IL1RAPL2: variants seen among roughly 807,000 people sequenced by gnomAD.
The protein encoded by IL1RAPL2 is interleukin 1 receptor accessory protein like 2, also known as X-linked interleukin-1 receptor accessory protein-like 2.
A neutral mutation model predicts 44.1 loss-of-function variants in IL1RAPL2; 3 were observed. The ratio of observed to expected loss-of-function variants is 0.07; its 90% CI spans 0.03 to 0.18. The LOEUF (loss-of-function observed/expected upper bound fraction) is 0.18, where lower values mean the gene tolerates loss of function less well. Among genes scored for constraint, IL1RAPL2 ranks in the 10% least tolerant of loss-of-function variants. The pLI, the probability that IL1RAPL2 is intolerant of heterozygous loss-of-function variation, is 1.00. For synonymous variants in IL1RAPL2, 181 were observed against 178.8 expected, an observed-to-expected ratio of 1.01 and a Z score of -0.10; for missense variants, 391 against 496.4, an observed-to-expected ratio of 0.79 and a Z score of 2.02.
chrX:104,888,829 T>A (rs762820676), intron 2 of IL1RAPL2, among the ~76,000 whole-genome samples: 1 of 111,975 alleles, frequency 8.9e-6, no homozygotes, highest in Non-Finnish European at 1.9e-5. Flanking sequence ...TCCCCATTTC[T>A]GATAGGACCA....
At chrX:105,144,293 T>C (rs2033158876) in intron 2 of IL1RAPL2, among the ~76,000 whole-genome samples, 1 of 111,191 alleles carries the variant, frequency 9.0e-6, no homozygotes. Context: ...CAGTACTTTA[T>C]TTCTTTGGAT....
intron 6 of IL1RAPL2, among the ~76,000 whole-genome samples, chrX:105,701,252 T>A (rs190427988): frequency 1.4e-4 from 16 of 110,508 alleles, no homozygotes; most frequent in African/African-American, 5.3e-4. Flanking sequence ...GATGTAAGAG[T>A]AGAGTTCAAA....
intron 6 of IL1RAPL2, among the ~76,000 whole-genome samples, chrX:105,615,828 A>G (rs1293086342): frequency 8.9e-6 from 1 of 112,312 alleles, no homozygotes; most frequent in African/African-American, 3.2e-5. Flanking sequence ...CTAAAAGAGT[A>G]TCGTTGGATT....
At chrX:104,769,844 A>T (rs1425662593) in intron 2 of IL1RAPL2, among the ~76,000 whole-genome samples, 1 of 111,409 alleles carries the variant, frequency 9.0e-6, no homozygotes, top group Non-Finnish European at 1.9e-5. Flanking sequence ...CTGTCACTAA[A>T]CCTAAGCATC....
chrX:104,590,204 C>T (rs900781596), intron 1 of IL1RAPL2, among the ~76,000 whole-genome samples: 2 of 110,913 alleles, frequency 1.8e-5, no homozygotes. Flanking sequence ...GCCACCATGC[C>T]CAGCTAATTT....
intron 5 of IL1RAPL2, chrX:105,405,907 T>C (rs1306532662): frequency 3.1e-5 from 36 of 1,167,912 alleles, no homozygotes; most frequent in Non-Finnish European, 4.0e-5. Flanking sequence ...ATTGATGATA[T>C]TGCTTTGATC....
rs781224924 is a variant in IL1RAPL2 at position 105,004,416 on chromosome X, G to A, written c.83-191059G>A. On this transcript the variant is annotated intron_variant, in intron 2 of 10. Coordinates refer to ENST00000372582, the MANE Select transcript of IL1RAPL2 (RefSeq NM_017416.2). ...TTTTTAAAACTTTTACGATGCATGA[G>A]GTAGACTTCTTTTTCAAAAAAAATT... Among the ~76,000 whole-genome samples the A allele has an allele frequency of 1.3e-4, 14 of 110,331 alleles. No homozygotes were observed. The East Asian group carries it at 3.8e-3, about 30-fold the overall frequency.
In IL1RAPL2 at chrX:105,667,419, C is replaced by A. The variant is rs763903108; in HGVS notation, c.773-49948C>A. 3.6e-5 allele frequency among the ~76,000 whole-genome samples: 4 copies of A among 112,277 alleles called. No homozygotes were observed. The East Asian group carries it at 1.1e-3, about 31-fold the overall frequency. ...ACTGATTCCCAATTGTGAACAGACT[C>A]ATTATATTGAAACAGAGTTATACAA... On this transcript the variant is annotated intron_variant, in intron 6 of 10. Coordinates refer to ENST00000372582, the MANE Select transcript of IL1RAPL2 (RefSeq NM_017416.2).
chrX:105,131,378 T>C (rs1040147093), intron 2 of IL1RAPL2, among the ~76,000 whole-genome samples: 1 of 110,573 alleles, frequency 9.0e-6, no homozygotes, highest in Admixed American at 9.7e-5. Flanking sequence ...ATTGCTGTCA[T>C]AGTATAGAAA....
At chrX:105,275,121 G>A (rs6652396) in intron 5 of IL1RAPL2, among the ~76,000 whole-genome samples, 11,729 of 109,621 alleles carry the variant, frequency 0.11, 1,542 homozygotes, top group African/African-American at 0.37. Flanking sequence ...AGAGGCAAGA[G>A]AAAAACTTGA....
chrX:105,184,642 A>G (rs1294923279), intron 2 of IL1RAPL2, among the ~76,000 whole-genome samples: 1 of 110,277 alleles, frequency 9.1e-6, no homozygotes, highest in East Asian at 2.8e-4. Flanking sequence ...TAGTATTATT[A>G]CTGTATACTA....
At chrX:104,795,593 C>T (rs973865595) in intron 2 of IL1RAPL2, among the ~76,000 whole-genome samples, 3 of 110,984 alleles carry the variant, frequency 2.7e-5, no homozygotes, top group African/African-American at 9.8e-5. Context: ...TAGGACCCCA[C>T]CTTGAGGAAA....
intron 2 of IL1RAPL2, among the ~76,000 whole-genome samples, chrX:105,136,616 T>C (rs2033078927): frequency 8.9e-6 from 1 of 112,650 alleles, no homozygotes; most frequent in Non-Finnish European, 1.9e-5. Context: ...ATTCAGATTC[T>C]TTGGAAGAAC....
chrX:105,428,620 C>T (rs1266531648), intron 5 of IL1RAPL2, among the ~76,000 whole-genome samples: 1 of 111,933 alleles, frequency 8.9e-6, no homozygotes, highest in East Asian at 2.8e-4. Flanking sequence ...TTCCAACATA[C>T]ATAATTAAGA....
At chrX:105,160,443 G>T (rs983101226) in intron 2 of IL1RAPL2, among the ~76,000 whole-genome samples, 5 of 111,045 alleles carry the variant, frequency 4.5e-5, no homozygotes, top group Non-Finnish European at 9.4e-5. Flanking sequence ...CAATTTAGGG[G>T]CACTCAAAAG....
chrX:104,917,041 G>A (rs1924467853), intron 2 of IL1RAPL2, among the ~76,000 whole-genome samples: 1 of 111,510 alleles, frequency 9.0e-6, no homozygotes, highest in South Asian at 3.8e-4. Flanking sequence ...TTTTTTGGTT[G>A]TGTCTCTACC....
intron 1 of IL1RAPL2, among the ~76,000 whole-genome samples, chrX:104,620,639 CAAAAAAAAAAAA>C (rs771769782): frequency 8.7e-3 from 127 of 14,582 alleles, no homozygotes; most frequent in Non-Finnish European, 0.014. Flanking sequence ...GAGTCTGTCT[CAAAAAAAAAAAA>C]AAAAAAAAAA....
At chrX:104,901,875 C>T (rs1365756808) in intron 2 of IL1RAPL2, among the ~76,000 whole-genome samples, 2 of 111,905 alleles carry the variant, frequency 1.8e-5, no homozygotes, top group Non-Finnish European at 3.8e-5. Context: ...GTATTTGTCA[C>T]ATGTTAGGTG....
In IL1RAPL2 at chrX:105,005,067, C is replaced by T. The variant is rs904645944; in HGVS notation, c.83-190408C>T. On this transcript the variant is annotated intron_variant, in intron 2 of 10. Coordinates refer to ENST00000372582, the MANE Select transcript of IL1RAPL2 (RefSeq NM_017416.2). The stretch of plus-strand genomic sequence containing the variant: ...CCCTCTACACCGATCTACCCTGTCT[C>T]TGGATTCTTTTAAGAAAGTATTTGA... Among the ~76,000 whole-genome samples the T allele has an allele frequency of 6.3e-5, 7 of 111,258 alleles. No individual in the cohort carries two copies. In the South Asian group the frequency reaches 1.5e-3, roughly 24 times the overall value.
Sources: allele counts gnomAD v4.1 joint callset (sites outside exome capture counted in the v4.1 genomes callset), GRCh38; gene constraint gnomAD v4.1.1; transcripts MANE v1.5; gene names NCBI Gene and HGNC (gene_info 2026-07-23, HGNC 2026-07-21).